The following DACH2 variants were observed in gnomAD, a reference collection of about 807,000 sequenced individuals.
DACH2 encodes dachshund homolog 2.
Under a neutral mutation model 35.8 loss-of-function variants are expected in DACH2, and 17 were observed. That is an observed-to-expected ratio of 0.48 (90% CI 0.33 to 0.71). DACH2 has a LOEUF of 0.71. Among genes scored for constraint, DACH2 ranks in the 30% least tolerant of loss-of-function variants. The probability of loss-of-function intolerance (pLI) is 0.02; values close to 1 mark genes in which losing one functional copy is unlikely to be tolerated. For synonymous variants in DACH2, 195 were observed against 177.3 expected (o/e 1.10, Z -0.79); for missense variants, 469 against 472.7 (o/e 0.99, Z 0.07).
intron 1 of DACH2, among the ~76,000 whole-genome samples, chrX:86,295,787 G>A (rs1432339459): frequency 1.8e-5 from 2 of 110,934 alleles, no homozygotes; most frequent in African/African-American, 3.3e-5. Context: ...TCAAAAGACA[G>A]AGGAGCCAGG....
At chrX:86,265,049 A>G (rs1488327554) in intron 1 of DACH2, among the ~76,000 whole-genome samples, 4 of 111,532 alleles carry the variant, frequency 3.6e-5, no homozygotes, top group Non-Finnish European at 7.5e-5. Flanking sequence ...TGGCCATTAG[A>G]TTCAAAGCCA....
intron 7 of DACH2, among the ~76,000 whole-genome samples, chrX:86,754,086 A>G (rs1261493817): frequency 8.9e-6 from 1 of 111,842 alleles, no homozygotes; most frequent in Non-Finnish European, 1.9e-5. Context: ...GAATTAAAAC[A>G]TGGAATTAAA....
At chrX:86,464,879 A>G (rs1344803001) in intron 2 of DACH2, among the ~76,000 whole-genome samples, 2 of 111,310 alleles carry the variant, frequency 1.8e-5, no homozygotes, top group Admixed American at 9.6e-5. Flanking sequence ...AAAGAACATA[A>G]CTGAACTCAA....
intron 5 of DACH2, among the ~76,000 whole-genome samples, chrX:86,708,180 A>G (rs2041240727): frequency 9.1e-6 from 1 of 110,444 alleles, no homozygotes; most frequent in African/African-American, 3.3e-5. Flanking sequence ...TACTGCTGAC[A>G]TCTTACTCAA....
At chrX:86,468,682 G>A (rs781372836) in intron 2 of DACH2, among the ~76,000 whole-genome samples, 7 of 111,454 alleles carry the variant, frequency 6.3e-5, no homozygotes, top group Non-Finnish European at 1.3e-4. Flanking sequence ...TACAAAACAA[G>A]GTCAGATTTG....
intron 11 of DACH2, among the ~76,000 whole-genome samples, chrX:86,825,646 G>A (rs923850323): frequency 9.0e-6 from 1 of 111,424 alleles, no homozygotes; most frequent in Non-Finnish European, 1.9e-5. Flanking sequence ...TGTTCCATAC[G>A]TGTTAGTTTT....
chrX:86,603,689 C>G (rs929173967), intron 3 of DACH2, among the ~76,000 whole-genome samples: 3 of 110,905 alleles, frequency 2.7e-5, no homozygotes, highest in Non-Finnish European at 5.7e-5. Context: ...TCATTGAATT[C>G]TCTTCATCTC....
intron 7 of DACH2, among the ~76,000 whole-genome samples, chrX:86,775,151 C>T (rs1054288178): frequency 1.8e-5 from 2 of 111,338 alleles, no homozygotes; most frequent in Non-Finnish European, 3.8e-5. Context: ...TAAGAGTAGG[C>T]GCAATGGACT....
At chrX:86,747,948 C>A (rs2041730982) in intron 7 of DACH2, among the ~76,000 whole-genome samples, 2 of 112,282 alleles carry the variant, frequency 1.8e-5, no homozygotes, top group South Asian at 7.3e-4. Flanking sequence ...ATTCCAAATA[C>A]TTTGTTGTCA....
At chrX:86,514,727 T>A (rs142392349) in intron 3 of DACH2, among the ~76,000 whole-genome samples, 1,330 of 111,495 alleles carry the variant, frequency 0.012, 16 homozygotes, top group Middle Eastern at 0.023. Context: ...GCAGCACTCC[T>A]GTATACTTAG....
intron 1 of DACH2, among the ~76,000 whole-genome samples, chrX:86,295,501 T>C (rs1275390242): frequency 1.8e-5 from 2 of 111,857 alleles, no homozygotes; most frequent in Non-Finnish European, 3.8e-5. Flanking sequence ...TCAGGAGTTG[T>C]GATCCTCTTG....
chrX:86,753,721 G>A (rs767400757), intron 7 of DACH2, among the ~76,000 whole-genome samples: 10 of 111,216 alleles, frequency 9.0e-5, no homozygotes, highest in Non-Finnish European at 5.7e-5. Flanking sequence ...CACAGAGAAT[G>A]CAATAATTCT....
chrX:86,255,965 C>A (rs1054093932), intron 1 of DACH2, among the ~76,000 whole-genome samples: 4 of 111,106 alleles, frequency 3.6e-5, no homozygotes, highest in Non-Finnish European at 7.6e-5. Flanking sequence ...GATTGAAGAA[C>A]CTGCCCAAAC....
At chrX:86,528,985 T>C (rs1184185990) in intron 3 of DACH2, among the ~76,000 whole-genome samples, 1 of 112,076 alleles carries the variant, frequency 8.9e-6, no homozygotes, top group Non-Finnish European at 1.9e-5. Flanking sequence ...ATGCAATACA[T>C]TGGTGTTAAC....
intron 7 of DACH2, among the ~76,000 whole-genome samples, chrX:86,795,400 A>AT (rs1256513329): frequency 1.9e-5 from 2 of 105,661 alleles, no homozygotes; most frequent in African/African-American, 3.5e-5. Context: ...CGCCCGGCCG[A>AT]TTTTTTGTAT....
At chrX:86,801,265 G>A (rs765322855) in intron 7 of DACH2, among the ~76,000 whole-genome samples, 2 of 107,889 alleles carry the variant, frequency 1.9e-5, no homozygotes, top group African/African-American at 6.8e-5. Context: ...CATTGCCCAC[G>A]CTGGAGTGCA....
intron 2 of DACH2, among the ~76,000 whole-genome samples, chrX:86,400,514 C>T (rs1401477274): frequency 9.0e-6 from 1 of 111,438 alleles, no homozygotes; most frequent in Non-Finnish European, 1.9e-5. Context: ...GTGGTTTTAT[C>T]TACCTTTGGT....
At chrX:86,777,026 T>C (rs1421228922) in intron 7 of DACH2, among the ~76,000 whole-genome samples, 1 of 111,821 alleles carries the variant, frequency 8.9e-6, no homozygotes, top group Admixed American at 9.5e-5. Flanking sequence ...TTTGCTATTG[T>C]GAATAGTGCT....
chrX:86,795,196 G>C (rs1326718686), intron 7 of DACH2, among the ~76,000 whole-genome samples: 1 of 108,224 alleles, frequency 9.2e-6, no homozygotes, highest in Non-Finnish European at 1.9e-5. Context: ...TAAGTGAAGT[G>C]AGTAGATATA....
Sources: gnomAD v4.1 joint callset for allele counts (sites outside exome capture counted in the v4.1 genomes callset) on GRCh38, gnomAD v4.1.1 for gene constraint, MANE v1.5 for transcripts, NCBI Gene and HGNC (gene_info 2026-07-23, HGNC 2026-07-21) for gene names.